GLIS3: variants seen among roughly 807,000 people sequenced by gnomAD.
GLIS3 encodes the protein zinc finger protein GLIS3.
GLIS3 carries 53 observed loss-of-function variants against 78.6 expected under a neutral mutation model. That is an observed-to-expected ratio of 0.67 (90% CI 0.54 to 0.85). GLIS3 has a LOEUF of 0.85. Ranked by LOEUF, GLIS3 falls within the 40% of genes least tolerant of loss-of-function variation. The pLI, the probability that GLIS3 is intolerant of heterozygous loss-of-function variation, is 0.00. For synonymous variants in GLIS3, 684 were observed against 509.9 expected, an observed-to-expected ratio of 1.34 and a Z score of -4.60; for missense variants, 1,703 against 1,231.1, an observed-to-expected ratio of 1.38 and a Z score of -5.74.
At chr9:4,354,926 C>T in the GLIS3 span, among the ~76,000 whole-genome samples, 1 of 152,054 alleles carries the variant, frequency 6.6e-6, no homozygotes, top group East Asian at 1.9e-4. Context: ...ACCATCCTGG[C>T]TAACACGGCG....
chr9:4,173,928 ACACACG>A (rs146531739), intron 2 of GLIS3, among the ~76,000 whole-genome samples: 6 of 85,884 alleles, frequency 7.0e-5, no homozygotes, highest in South Asian at 7.0e-4. Flanking sequence ...ACACACACAC[ACACACG>A]CACGCACGCA....
chr9:4,199,212 A>C (rs1217680015), intron 2 of GLIS3, among the ~76,000 whole-genome samples: 8 of 152,286 alleles, frequency 5.3e-5, no homozygotes, highest in Non-Finnish European at 1.0e-4. Context: ...CTCACATCTC[A>C]GTATTAACCC....
At chr9:4,273,808 A>G (rs957049581) in intron 2 of GLIS3, among the ~76,000 whole-genome samples, 1 of 151,856 alleles carries the variant, frequency 6.6e-6, no homozygotes, top group Non-Finnish European at 1.5e-5. Context: ...AAGATCCCCA[A>G]TCTCTTGTCT....
intron 2 of GLIS3, among the ~76,000 whole-genome samples, chr9:4,337,703 G>T (rs1032131972): frequency 1.7e-4 from 26 of 152,148 alleles, no homozygotes; most frequent in Middle Eastern, 3.4e-3. Flanking sequence ...CATATCACAA[G>T]GCCAGACAAA....
intron 1 of GLIS3, among the ~76,000 whole-genome samples, chr9:4,297,799 AGAG>A (rs1816685923): frequency 6.6e-6 from 1 of 152,174 alleles, no homozygotes; most frequent in Admixed American, 6.5e-5. Context: ...ACTCCTGCCA[AGAG>A]GAGGGCTGGA....
At chr9:4,006,063 T>C (rs1027534479) in intron 4 of GLIS3, among the ~76,000 whole-genome samples, 1 of 152,100 alleles carries the variant, frequency 6.6e-6, no homozygotes, top group African/African-American at 2.4e-5. Context: ...TTCATAGCTA[T>C]TATGGGAAGG....
the GLIS3 span, among the ~76,000 whole-genome samples, chr9:4,397,077 G>A: frequency 2.9e-5 from 4 of 137,750 alleles, no homozygotes; most frequent in South Asian, 2.4e-4. Flanking sequence ...CCAGGCTGGA[G>A]TGCAGTGGCG....
At chr9:4,327,931 A>T (rs1817626534) in intron 2 of GLIS3, among the ~76,000 whole-genome samples, 1 of 152,178 alleles carries the variant, frequency 6.6e-6, no homozygotes, top group Non-Finnish European at 1.5e-5. Context: ...CTGAAATTGC[A>T]TCAAGAGCCT....
At chr9:4,204,802 T>G (rs750210091) in intron 2 of GLIS3, among the ~76,000 whole-genome samples, 1 of 151,996 alleles carries the variant, frequency 6.6e-6, no homozygotes, top group Non-Finnish European at 1.5e-5. Flanking sequence ...TAATCCCAGC[T>G]ACTCGGGAGG....
At chr9:4,302,540 T>C (rs553386418), upstream of GLIS3, among the ~76,000 whole-genome samples, 1 of 152,198 alleles carries the variant, frequency 6.6e-6, no homozygotes, top group Non-Finnish European at 1.5e-5. Flanking sequence ...CCTCAAGAAA[T>C]GGGGACTCTT....
At chr9:4,195,501 C>T (rs1430211561) in intron 2 of GLIS3, among the ~76,000 whole-genome samples, 4 of 152,248 alleles carry the variant, frequency 2.6e-5, no homozygotes, top group Non-Finnish European at 2.9e-5. Context: ...CAGCACCGCG[C>T]TCGAATTCTC....
At chr9:4,249,003 C>A (rs943855408) in intron 2 of GLIS3, among the ~76,000 whole-genome samples, 1 of 152,130 alleles carries the variant, frequency 6.6e-6, no homozygotes, top group African/African-American at 2.4e-5. Context: ...TATTTTGGTA[C>A]AAGTACCATG....
At chr9:3,841,092 A>T (rs1229890318) in intron 9 of GLIS3, among the ~76,000 whole-genome samples, 1 of 152,200 alleles carries the variant, frequency 6.6e-6, no homozygotes, top group Non-Finnish European at 1.5e-5. Context: ...AGAAGGCAGC[A>T]TGCTTAAAGC....
chr9:4,482,185 A>T, the GLIS3 span, among the ~76,000 whole-genome samples: 9 of 152,220 alleles, frequency 5.9e-5, no homozygotes, highest in African/African-American at 2.2e-4. Context: ...TTTCTTTCAT[A>T]TCCTAAAATG....
chr9:3,831,757 C>T (rs1469866273), intron 9 of GLIS3, among the ~76,000 whole-genome samples: 1 of 152,068 alleles, frequency 6.6e-6, no homozygotes, highest in Non-Finnish European at 1.5e-5. Flanking sequence ...AACAGTGGTA[C>T]ATTTATGTGA....
intron 4 of GLIS3, among the ~76,000 whole-genome samples, chr9:3,970,456 T>C (rs1385797249): frequency 1.3e-5 from 2 of 152,222 alleles, no homozygotes; most frequent in East Asian, 3.8e-4. Flanking sequence ...AAATGCATTA[T>C]TTGTAGAAGA....
At chr9:4,414,566 C>A in the GLIS3 span, among the ~76,000 whole-genome samples, 1 of 152,114 alleles carries the variant, frequency 6.6e-6, no homozygotes, top group Non-Finnish European at 1.5e-5. Flanking sequence ...TTTATCCTGC[C>A]TGCTTCAGGA....
intron 4 of GLIS3, among the ~76,000 whole-genome samples, chr9:4,021,777 A>G (rs1822907616): frequency 6.6e-6 from 1 of 152,180 alleles, no homozygotes; most frequent in African/African-American, 2.4e-5. Context: ...ACACTTGCCA[A>G]GCTTCCTGAA....
At chr9:4,378,108 A>G in the GLIS3 span, among the ~76,000 whole-genome samples, 1 of 152,262 alleles carries the variant, frequency 6.6e-6, no homozygotes. Flanking sequence ...GGAGATAGTA[A>G]AGTAATATAC....
Sources: allele counts gnomAD v4.1 joint callset (sites outside exome capture counted in the v4.1 genomes callset), GRCh38; gene constraint gnomAD v4.1.1; transcripts MANE v1.5; gene names NCBI Gene and HGNC (gene_info 2026-07-23, HGNC 2026-07-21).